SATB2: variants seen among roughly 807,000 people sequenced by gnomAD.
SATB2 encodes the protein SATB homeobox 2, also known as DNA-binding protein SATB2.
A neutral mutation model predicts 73.4 loss-of-function variants in SATB2; 1 was observed. The observed-to-expected ratio is 0.01, with a 90% CI of 0.00 to 0.06. The LOEUF is 0.06. SATB2 is among the 10% of genes least tolerant of loss of function. The probability of loss-of-function intolerance (pLI) is 1.00; values close to 1 mark genes in which losing one functional copy is unlikely to be tolerated. For synonymous variants in SATB2, 397 were observed against 367.0 expected (o/e 1.08, Z -0.93); for missense variants, 459 against 945.8 (o/e 0.49, Z 6.75).
intron 10 of SATB2, among the ~76,000 whole-genome samples, chr2:199,276,807 T>C (rs897354244): frequency 2.0e-5 from 3 of 152,230 alleles, no homozygotes; most frequent in African/African-American, 7.2e-5. Context: ...TCCCCATTGA[T>C]AGTACCTACT....
chr2:199,406,920 G>A (rs4675559), intron 3 of SATB2, among the ~76,000 whole-genome samples: 91,358 of 152,024 alleles, frequency 0.6, 31,204 homozygotes, highest in Non-Finnish European at 0.76. Flanking sequence ...AGTAATAAGA[G>A]TAACATTCAT....
chr2:199,343,585 C>T (rs915734384), intron 7 of SATB2, among the ~76,000 whole-genome samples: 6 of 152,174 alleles, frequency 3.9e-5, no homozygotes, highest in Admixed American at 2.0e-4. Context: ...AAACAATCTG[C>T]CTGCTGACCT....
intron 7 of SATB2, among the ~76,000 whole-genome samples, chr2:199,341,386 C>T (rs189861082): frequency 3.3e-4 from 51 of 152,290 alleles, no homozygotes; most frequent in African/African-American, 1.2e-3. Flanking sequence ...GGAGTAGGGC[C>T]GAGAGGCAAA....
At chr2:199,390,370 A>C (rs935761270) in intron 3 of SATB2, among the ~76,000 whole-genome samples, 3 of 152,210 alleles carry the variant, frequency 2.0e-5, no homozygotes, top group Non-Finnish European at 4.4e-5. Flanking sequence ...TCACTGGTTA[A>C]AAACCATTTC....
chr2:199,280,654 A>C (rs1692460372), intron 10 of SATB2, among the ~76,000 whole-genome samples: 1 of 152,116 alleles, frequency 6.6e-6, no homozygotes, highest in Admixed American at 6.5e-5. Context: ...AATAAGCCCC[A>C]GTCTCCCGTA....
chr2:199,335,334 C>T (rs1688307605), intron 7 of SATB2, among the ~76,000 whole-genome samples: 1 of 152,058 alleles, frequency 6.6e-6, no homozygotes, highest in Non-Finnish European at 1.5e-5. Flanking sequence ...ACAAAAGTAA[C>T]ATTTGCAGAC....
rs1553538510 is a variant in SATB2 at position 199,269,710 on chromosome 2, A to AAG, written c.*2500_*2501insCT. 6 of 151,808 alleles carry AAG rather than the reference A, an allele frequency of 4.0e-5. No individual in the cohort carries two copies. The South Asian group carries it at 8.4e-4, about 21-fold the overall frequency. 9.4% of individuals were successfully genotyped at this position (151,808 alleles called of 1,614,324 possible). A position where few individuals can be genotyped will look rare whatever the true frequency, so the allele number is the denominator to read the frequency against. The stretch of plus-strand genomic sequence containing the variant: ...TTTTTCATTTCACAAAAAAAAAAAA[A>AAG]GGCGGGAAATTGTGCTTTGTCAAGA... On this transcript the variant is annotated 3_prime_UTR_variant, in exon 11 of 11. Coordinates refer to ENST00000417098, the MANE Select transcript of SATB2 (RefSeq NM_001172509.2).
chr2:199,349,836 C>T (rs1031109278), intron 6 of SATB2, among the ~76,000 whole-genome samples: 11 of 152,130 alleles, frequency 7.2e-5, no homozygotes, highest in African/African-American at 2.4e-5. Context: ...AAGTTCTCCT[C>T]AGGTTATCTG....
intron 2 of SATB2, among the ~76,000 whole-genome samples, chr2:199,438,340 C>CT (rs1691714338): frequency 6.6e-6 from 1 of 152,164 alleles, no homozygotes; most frequent in East Asian, 1.9e-4. Flanking sequence ...TTATCACAAA[C>CT]TGATACTAGG....
intron 10 of SATB2, among the ~76,000 whole-genome samples, chr2:199,307,087 T>A (rs1687453731): frequency 6.6e-6 from 1 of 151,886 alleles, no homozygotes. Context: ...CTAATCCAGT[T>A]CACATCAAAA....
intron 2 of SATB2, among the ~76,000 whole-genome samples, chr2:199,434,869 G>T (rs1691607192): frequency 6.6e-6 from 1 of 152,078 alleles, no homozygotes; most frequent in Non-Finnish European, 1.5e-5. Flanking sequence ...ACAGATTGAG[G>T]TATTTGTTCT....
intron 2 of SATB2, among the ~76,000 whole-genome samples, chr2:199,440,976 G>C (rs896518452): frequency 6.6e-6 from 1 of 151,812 alleles, no homozygotes; most frequent in Non-Finnish European, 1.5e-5. Flanking sequence ...AGCCTCCCAA[G>C]TAGCTGGGAT....
At chr2:199,387,205 G>C (rs1689988348) in intron 3 of SATB2, among the ~76,000 whole-genome samples, 1 of 152,236 alleles carries the variant, frequency 6.6e-6, no homozygotes, top group East Asian at 1.9e-4. Flanking sequence ...GCTTCATTTT[G>C]CAAGTTTTTG....
At chr2:199,453,207 G>A (rs1172617531) in intron 2 of SATB2, among the ~76,000 whole-genome samples, 1 of 152,088 alleles carries the variant, frequency 6.6e-6, no homozygotes. Flanking sequence ...AAAACAGTAA[G>A]ATAAATTGCT....
chr2:199,451,890 C>A (rs1293149221), intron 2 of SATB2, among the ~76,000 whole-genome samples: 1 of 151,974 alleles, frequency 6.6e-6, no homozygotes, highest in African/African-American at 2.4e-5. Flanking sequence ...CAGTTATGTT[C>A]TTGAAAGGGC....
chr2:199,381,008 CA>C (rs1408345547), intron 4 of SATB2, among the ~76,000 whole-genome samples: 1 of 152,040 alleles, frequency 6.6e-6, no homozygotes, highest in Non-Finnish European at 1.5e-5. Flanking sequence ...ATAAATTGCC[CA>C]AAAGGGGAAA....
At chr2:199,355,508 G>C (rs1301471504) in intron 6 of SATB2, among the ~76,000 whole-genome samples, 1 of 151,924 alleles carries the variant, frequency 6.6e-6, no homozygotes, top group African/African-American at 2.4e-5. Context: ...GTTTCTGAAG[G>C]TTTTTGAGCA....
At chr2:199,405,077 C>T (rs993216983) in intron 3 of SATB2, among the ~76,000 whole-genome samples, 1 of 152,108 alleles carries the variant, frequency 6.6e-6, no homozygotes, top group African/African-American at 2.4e-5. Context: ...CAGAATGTAC[C>T]CAGAACTAGG....
chr2:199,462,465 G>C (rs1205288275), upstream of SATB2, among the ~76,000 whole-genome samples: 1 of 152,220 alleles, frequency 6.6e-6, no homozygotes, highest in Non-Finnish European at 1.5e-5. This position sits in a 1 kb window ranked among gnomAD's most constrained non-coding sequence, Gnocchi z 5.9. Flanking sequence ...GACGCGCCTT[G>C]GAGGACGGTT....
Sources: gnomAD v4.1 joint callset for allele counts (sites outside exome capture counted in the v4.1 genomes callset) on GRCh38, gnomAD v4.1.1 for gene constraint, Gnocchi (gnomAD v3.1) non-coding constraint, MANE v1.5 for transcripts, NCBI Gene and HGNC (gene_info 2026-07-23, HGNC 2026-07-21) for gene names.